SEH1L: variants seen among roughly 807,000 people sequenced by gnomAD.
SEH1L encodes the protein nucleoporin SEH1.
Under a neutral mutation model 49.5 loss-of-function variants are expected in SEH1L, and 18 were observed. The observed-to-expected ratio is 0.36, with a 90% CI of 0.25 to 0.54. The LOEUF is 0.54. Among genes scored for constraint, SEH1L ranks in the 20% least tolerant of loss-of-function variants. The pLI is 0.87. For synonymous variants in SEH1L, 169 were observed against 178.1 expected (o/e 0.95, Z 0.41); for missense variants, 404 against 528.8 (o/e 0.76, Z 2.31).
At chr18:12,972,105 C>T (rs532136446) in intron 5 of SEH1L, 2 of 152,310 alleles carry the variant, frequency 1.3e-5, no homozygotes, top group East Asian at 3.9e-4. Flanking sequence ...ATGGTGGATT[C>T]ACGGCTAGGA....
At chr18:12,950,557 C>G (rs1213830566) in intron 1 of SEH1L, among the ~76,000 whole-genome samples, 1 of 152,040 alleles carries the variant, frequency 6.6e-6, no homozygotes, top group Non-Finnish European at 1.5e-5. Flanking sequence ...TATGTCTTGT[C>G]AGAAATAGTG....
chr18:12,975,352 C>T lies in SEH1L; in HGVS notation c.621-3400C>T, dbSNP rs115716409. Among the ~76,000 whole-genome samples, 1,511 of 151,900 alleles carry T rather than the reference C, an allele frequency of 9.9e-3. 21 individuals carry two copies. The highest frequency in any genetic ancestry group is 0.035 in the African/African-American group (1,431 of 41,426). ...TAAGAAAAAAAAAATCTCACTTTTT[C>T]AACATTTCATAAGCAGCATGGACTG... On this transcript the variant is annotated intron_variant, in intron 5 of 8. Coordinates refer to ENST00000399892, the MANE Select transcript of SEH1L (RefSeq NM_001013437.2).
intron 2 of SEH1L, 86 bp downstream of exon 2, chr18:12,951,991 A>T (rs113612669): frequency 1.6e-5 from 12 of 764,164 alleles, no homozygotes; most frequent in African/African-American, 7.4e-5. Context: ...TTGAGAAAAT[A>T]ACATTTATAC....
intron 3 of SEH1L, among the ~76,000 whole-genome samples, chr18:12,956,935 TG>T (rs1171623827): frequency 3.3e-5 from 5 of 152,062 alleles, no homozygotes; most frequent in Middle Eastern, 3.4e-3. Context: ...GGCATGGTGG[TG>T]GGTGCCTGTA....
At chr18:12,969,668 CAG>C (rs1329971902) in intron 4 of SEH1L, among the ~76,000 whole-genome samples, 2 of 141,706 alleles carry the variant, frequency 1.4e-5, no homozygotes, top group East Asian at 4.1e-4. Context: ...AGCCTGGCGA[CAG>C]AGTGAGACTC....
Position 12,987,342 on chromosome 18 carries a change from A to G in SEH1L, c.*285A>G. 4.5e-6 allele frequency: 1 copy of G among 220,188 alleles called. No individual in the cohort carries two copies. The highest frequency in any genetic ancestry group is 1.5e-4 in the South Asian group (1 of 6,464). The allele number at this position is 220,188 out of a possible 1,614,324, so 13.6% of individuals were successfully genotyped here. A position where few individuals can be genotyped will look rare whatever the true frequency, so the allele number is the denominator to read the frequency against. ...GCTGACTTCAAAGTGCCTGTTCTGTAAATTTTATTTTAAACTGTTACCATA... is the reference window on the plus strand; with the variant it reads ...GCTGACTTCAAAGTGCCTGTTCTGTGAATTTTATTTTAAACTGTTACCATA... On this transcript the variant is annotated 3_prime_UTR_variant, in exon 9 of 9. Coordinates refer to ENST00000399892, the MANE Select transcript of SEH1L (RefSeq NM_001013437.2).
chr18:12,975,605 G>A, intron 5 of SEH1L: 1 of 580,700 alleles, frequency 1.7e-6, no homozygotes, highest in Non-Finnish European at 2.2e-6. Flanking sequence ...GAGAGAGACA[G>A]GGGAGGGGCA....
chr18:12,979,000 C>A, intron 6 of SEH1L, 108 bp downstream of exon 6: 1 of 1,048,512 alleles, frequency 9.5e-7, no homozygotes, highest in Non-Finnish European at 1.4e-6. Context: ...TATTTCTGCT[C>A]TGGAAGTTTT....
chr18:12,968,371 C>T (rs530238301), intron 4 of SEH1L, among the ~76,000 whole-genome samples: 7 of 152,278 alleles, frequency 4.6e-5, no homozygotes, highest in South Asian at 4.1e-4. Context: ...ACCATTGGGG[C>T]GCAGTTCCTT....
chr18:12,966,873 T>C (rs938658579), intron 4 of SEH1L, among the ~76,000 whole-genome samples: 1 of 152,228 alleles, frequency 6.6e-6, no homozygotes, highest in Non-Finnish European at 1.5e-5. Flanking sequence ...CAAAATTGTT[T>C]GGAGATTTAG....
Position 12,948,064 on chromosome 18 carries a change from C to A in SEH1L, c.-58C>A. On this transcript the variant is annotated 5_prime_UTR_variant, in exon 1 of 9. Transcript: ENST00000399892. Reference sequence around the variant, plus strand: ...AGGTCTGGCTAGGCTACGGGCCACGCGCCGCCGCCGCTGCCGCCGCCACTG... The same window carrying A: ...AGGTCTGGCTAGGCTACGGGCCACGAGCCGCCGCCGCTGCCGCCGCCACTG... The A allele has an allele frequency of 2.9e-6, 4 of 1,364,636 alleles. No individual in the cohort carries two copies. Among genetic ancestry groups the A allele is most frequent in the South Asian group, 1.2e-5 (1 of 82,570 alleles). The allele number at this position is 1,364,636 out of a possible 1,614,324, so 84.5% of individuals were successfully genotyped here.
rs191448073 is a variant in SEH1L, at chr18:12,969,029, G to A, written c.522-2124G>A. Among the ~76,000 whole-genome samples the A allele has an allele frequency of 2.7e-4, 41 of 152,156 alleles. No homozygotes were observed. In the East Asian group the frequency reaches 7.3e-3, roughly 27 times the overall value. On this transcript the variant is annotated intron_variant, in intron 4 of 8. Coordinates refer to ENST00000399892, the MANE Select transcript of SEH1L (RefSeq NM_001013437.2). The stretch of plus-strand genomic sequence containing the variant: ...AGTTCGAGACCAGTCTGACCAACAT[G>A]GAGAAAACCCTTCTCTACTAAAAAT...
intron 5 of SEH1L, chr18:12,973,106 A>G (rs2031772265): frequency 6.6e-6 from 1 of 152,054 alleles, no homozygotes; most frequent in Non-Finnish European, 1.5e-5. Context: ...TACTTGGGAG[A>G]CTGAGGTGGG....
At position 12,969,428 on chromosome 18, in the gene SEH1L, G is replaced by A. The variant is rs149868622; in HGVS notation, c.522-1725G>A. Among the ~76,000 whole-genome samples the A allele has an allele frequency of 3.5e-3, 527 of 151,874 alleles. 2 individuals carry two copies. Among genetic ancestry groups the A allele is most frequent in the African/African-American group, 0.012 (492 of 41,408 alleles). On this transcript the variant is annotated intron_variant, in intron 4 of 8. Coordinates refer to ENST00000399892, the MANE Select transcript of SEH1L (RefSeq NM_001013437.2). ...ATCTTGGCCAGGCATGGTTGTTTAC[G>A]CCTGTAATCCCAGCACTTTGGGAGG...
At chr18:12,962,552 C>T (rs778160613) in intron 3 of SEH1L, among the ~76,000 whole-genome samples, 14 of 129,914 alleles carry the variant, frequency 1.1e-4, no homozygotes, top group African/African-American at 2.6e-4. Context: ...ACTGTACCTT[C>T]TGCCCCACTG....
chr18:12,970,397 T>C (rs1313899314), intron 4 of SEH1L, among the ~76,000 whole-genome samples: 3 of 152,136 alleles, frequency 2.0e-5, no homozygotes, highest in Non-Finnish European at 4.4e-5. Context: ...TTTCCACTTT[T>C]CCCCTGTCCA....
chr18:12,979,737 G>T (rs1257569913), intron 6 of SEH1L, among the ~76,000 whole-genome samples: 1 of 139,816 alleles, frequency 7.2e-6, no homozygotes, highest in Non-Finnish European at 1.6e-5. Context: ...GCGGCTGGCC[G>T]GGCGGGGGGC....
Position 12,987,273 on chromosome 18 carries a change from T to C in SEH1L, c.*216T>C, listed in dbSNP as rs2032500900. 1 of 392,922 alleles carries C rather than the reference T, an allele frequency of 2.5e-6. No homozygotes were observed. Among genetic ancestry groups the C allele is most frequent in the Non-Finnish European group, 4.6e-6 (1 of 218,826 alleles). The allele number at this position is 392,922 out of a possible 1,614,324, so 24.3% of individuals were successfully genotyped here. ...CACTGGGTGATAACCTTTGATGAAA[T>C]GAGATATGTCCAAGTAACGTTAACT... On this transcript the variant is annotated 3_prime_UTR_variant, in exon 9 of 9. Coordinates refer to ENST00000399892, the MANE Select transcript of SEH1L (RefSeq NM_001013437.2).
At chr18:12,954,896 A>C (rs533059936) in intron 2 of SEH1L, among the ~76,000 whole-genome samples, 2 of 152,342 alleles carry the variant, frequency 1.3e-5, no homozygotes, top group African/African-American at 4.8e-5. Flanking sequence ...CACCACTTCT[A>C]ATTTCAGAAC....
Sources: gnomAD v4.1 joint callset for allele counts (sites outside exome capture counted in the v4.1 genomes callset) on GRCh38, gnomAD v4.1.1 for gene constraint, MANE v1.5 for transcripts, NCBI Gene and HGNC (gene_info 2026-07-23, HGNC 2026-07-21) for gene names.